The following CNGB3 variants were observed in gnomAD, a reference collection of about 807,000 sequenced individuals.
The protein encoded by CNGB3 is cyclic nucleotide gated channel subunit beta 3.
CNGB3 carries 86 observed loss-of-function variants against 92.8 expected under a neutral mutation model. The ratio of observed to expected loss-of-function variants is 0.93; its 90% confidence interval spans 0.78 to 1.11. The LOEUF (loss-of-function observed/expected upper bound fraction) is 1.11. Among genes scored for constraint, CNGB3 ranks in the 50% least tolerant of loss-of-function variants. CNGB3 has a pLI of 0.00. For synonymous variants in CNGB3, 333 were observed against 332.7 expected (o/e 1.00, Z -0.01); for missense variants, 1,026 against 956.8 (o/e 1.07, Z -0.95).
At chr8:86,582,229 A>C (rs1821801430) in intron 15 of CNGB3, among the ~76,000 whole-genome samples, 1 of 152,078 alleles carries the variant, frequency 6.6e-6, no homozygotes, top group South Asian at 2.1e-4. Flanking sequence ...CCCCATCTCC[A>C]CTAAAAATAT....
chr8:86,622,441 G>T (rs1039057122), intron 13 of CNGB3, among the ~76,000 whole-genome samples: 5 of 150,656 alleles, frequency 3.3e-5, no homozygotes, highest in African/African-American at 1.2e-4. Context: ...GATCTTAAGG[G>T]ACAGTTGGAT....
At chr8:86,623,424 C>G (rs1822780465) in intron 13 of CNGB3, among the ~76,000 whole-genome samples, 1 of 152,126 alleles carries the variant, frequency 6.6e-6, no homozygotes, top group Admixed American at 6.5e-5. Context: ...GGTTTGGTGT[C>G]TGGTGAGGGC....
chr8:86,657,242 G>C (rs1224784878), intron 6 of CNGB3: 1 of 209,380 alleles, frequency 4.8e-6, no homozygotes, highest in Non-Finnish European at 9.7e-6. Context: ...GTCTGCACTT[G>C]TTTGTCTCCC....
chr8:86,688,801 C>T (rs1041315097), intron 3 of CNGB3, among the ~76,000 whole-genome samples: 3 of 151,580 alleles, frequency 2.0e-5, no homozygotes, highest in Non-Finnish European at 2.9e-5. Context: ...AATTCTATTT[C>T]ATTTATTTCT....
intron 3 of CNGB3, among the ~76,000 whole-genome samples, chr8:86,675,828 GA>G (rs1823956333): frequency 6.6e-6 from 1 of 152,158 alleles, no homozygotes; most frequent in South Asian, 2.1e-4. Flanking sequence ...AAAAAGAAAA[GA>G]ACTATAGTAG....
chr8:86,578,949 C>T, intron 16 of CNGB3, 86 bp from the exon 17 acceptor site: 2 of 1,571,158 alleles, frequency 1.3e-6, no homozygotes, highest in Non-Finnish European at 1.8e-6. Flanking sequence ...TTATCCTAAC[C>T]TGTGTAGTTT....
chr8:86,739,636 T>TC lies in CNGB3; in HGVS notation c.211+18_211+19insG. 1 of 1,606,562 alleles carries TC rather than the reference T, an allele frequency of 6.2e-7. No homozygotes were observed. Among genetic ancestry groups the TC allele is most frequent in the Admixed American group, 1.7e-5 (1 of 59,628 alleles). The stretch of plus-strand genomic sequence containing the variant: ...CACTTTTTAGTTTTTTTTTTTTTTT[T>TC]TTCAGACTGCATTCTGACCTTGTAT... On this transcript the variant is annotated intron_variant, in intron 2 of 17. Transcript: ENST00000320005.
rs1821643905 is a variant in CNGB3 at position 86,575,729 on chromosome 8, C to A, written c.*75G>T. ...AGGGTCCCAGCATGTCGTTTCCCCT[C>A]GTTAATTTAAGTTACAATCCTAGGT... is the stretch of plus-strand genomic sequence containing the variant. On this transcript the variant is annotated 3_prime_UTR_variant, in exon 18 of 18. Coordinates refer to ENST00000320005, the MANE Select transcript of CNGB3 (RefSeq NM_019098.5). The A allele has an allele frequency of 2.9e-6, 4 of 1,385,412 alleles. No individual in the cohort carries two copies. Among genetic ancestry groups the A allele is most frequent in the Middle Eastern group, 1.9e-4 (1 of 5,370 alleles). The allele number at this position is 1,385,412 out of a possible 1,614,324, so 85.8% of individuals were successfully genotyped here.
At chr8:86,708,344 G>C (rs1397907182) in intron 3 of CNGB3, among the ~76,000 whole-genome samples, 2 of 152,040 alleles carry the variant, frequency 1.3e-5, no homozygotes, top group East Asian at 3.9e-4. Context: ...TGGTAAGCCA[G>C]ATAAAGATAG....
At chr8:86,643,966 C>T (rs1488933994) in intron 9 of CNGB3, 93 bp from the exon 10 acceptor site, 9 of 1,404,716 alleles carry the variant, frequency 6.4e-6, no homozygotes, top group Admixed American at 1.8e-5. Context: ...CACCAGCGAA[C>T]CCCTTGCTTT....
intron 5 of CNGB3, among the ~76,000 whole-genome samples, chr8:86,667,592 C>T (rs1470788630): frequency 6.6e-6 from 1 of 152,206 alleles, no homozygotes; most frequent in Admixed American, 6.5e-5. Flanking sequence ...GGCAGAGGGT[C>T]AGCCCATTAA....
intron 7 of CNGB3, among the ~76,000 whole-genome samples, chr8:86,648,797 T>G (rs994019125): frequency 2.0e-5 from 3 of 151,236 alleles, no homozygotes; most frequent in Non-Finnish European, 1.5e-5. Flanking sequence ...GAGGAAGTCC[T>G]AGACAGAGGA....
In CNGB3 at chr8:86,668,168, G is replaced by C. The variant is rs79360883; in HGVS notation, c.494C>G (p.Ala165Gly). 6.2e-7 allele frequency: 1 copy of C among 1,606,232 alleles called. No individual in the cohort carries two copies. ...LSSPEASPQT[A>G]KPTAVPPVKE... ...TACTGGTGGTACAGCCGTGGGCTTTGCTTCATAGGGAAAAAAAAAAAGATG... is the reference window on the plus strand; with the variant it reads ...TACTGGTGGTACAGCCGTGGGCTTTCCTTCATAGGGAAAAAAAAAAAGATG... Residue 165 changes from alanine to glycine, a missense_variant and splice_region_variant, in exon 5 of 18, where the codon GCA (alanine) becomes GGA (glycine). By Grantham distance (60) the Ala-to-Gly change is moderately conservative. Transcript: ENST00000320005.
chr8:86,686,560 G>T (rs1348119220), intron 3 of CNGB3, among the ~76,000 whole-genome samples: 1 of 152,072 alleles, frequency 6.6e-6, no homozygotes, highest in Non-Finnish European at 1.5e-5. Context: ...TTGAGAAGAA[G>T]AGATAATTGA....
At chr8:86,662,295 G>C (rs1200998959) in intron 6 of CNGB3, among the ~76,000 whole-genome samples, 1 of 152,116 alleles carries the variant, frequency 6.6e-6, no homozygotes, top group African/African-American at 2.4e-5. Context: ...TAAAATCCTC[G>C]AACTGAGATT....
intron 3 of CNGB3, among the ~76,000 whole-genome samples, chr8:86,706,089 C>T (rs1448028622): frequency 6.6e-6 from 1 of 152,172 alleles, no homozygotes; most frequent in Non-Finnish European, 1.5e-5. Context: ...AAACAAAACA[C>T]AATTCCTTTC....
intron 3 of CNGB3, among the ~76,000 whole-genome samples, chr8:86,711,192 T>C (rs982059371): frequency 6.6e-6 from 1 of 152,160 alleles, no homozygotes; most frequent in Non-Finnish European, 1.5e-5. Flanking sequence ...TTGGTGCACT[T>C]AAGTTCACCT....
chr8:86,702,350 A>T (rs1044561617), intron 3 of CNGB3, among the ~76,000 whole-genome samples: 5 of 152,232 alleles, frequency 3.3e-5, no homozygotes, highest in Non-Finnish European at 7.3e-5. Flanking sequence ...TGGGCATTTA[A>T]GATGAATACA....
At chr8:86,725,436 C>A (rs1417434364) in intron 3 of CNGB3, among the ~76,000 whole-genome samples, 1 of 152,142 alleles carries the variant, frequency 6.6e-6, no homozygotes, top group Non-Finnish European at 1.5e-5. Context: ...ATTAGTTGTT[C>A]TCTTGTTAGA....
Sources: gnomAD v4.1 joint callset for allele counts (sites outside exome capture counted in the v4.1 genomes callset) on GRCh38, gnomAD v4.1.1 for gene constraint, MANE v1.5 for transcripts, NCBI Gene and HGNC (gene_info 2026-07-23, HGNC 2026-07-21) for gene names.